The following SPTLC2 variants were observed in gnomAD, a reference collection of about 807,000 sequenced individuals.
SPTLC2 encodes the protein serine palmitoyltransferase 2.
SPTLC2 carries 21 observed loss-of-function variants against 62.0 expected under a neutral mutation model. The observed-to-expected ratio is 0.34, with a 90% CI of 0.24 to 0.49. The LOEUF (loss-of-function observed/expected upper bound fraction) is 0.49. Among genes scored for constraint, SPTLC2 ranks in the 20% least tolerant of loss-of-function variants. The pLI is 0.99. For missense variants in SPTLC2, 511 were observed against 713.0 expected (o/e 0.72, Z 3.23); for synonymous variants, 261 against 261.8 (o/e 1.00, Z 0.03).
intron 9 of SPTLC2, among the ~76,000 whole-genome samples, chr14:77,546,340 G>A (rs1189263105): frequency 1.3e-5 from 2 of 152,168 alleles, no homozygotes; most frequent in Non-Finnish European, 2.9e-5. Context: ...TAATCAAGAA[G>A]CTGCTTTGAT....
At chr14:77,541,996 G>A (rs1219936522) in intron 9 of SPTLC2, among the ~76,000 whole-genome samples, 1 of 151,612 alleles carries the variant, frequency 6.6e-6, no homozygotes, top group East Asian at 1.9e-4. Flanking sequence ...AGCGGAGGTT[G>A]CAGTGAGCCA....
rs1478198521 is a variant in SPTLC2 at position 77,531,443 on chromosome 14, T to TCTTCTTCTTCTTCTTCTTCTC, written c.1304-9863_1304-9862insGAGAAGAAGAAGAAGAAGAAG. ...ACTTTCTTCTTCTTCTTCTTCTTCT[T>TCTTCTTCTTCTTCTTCTTCTC]CTCCTCCTTCTCCTCCTCCTCCTCC... On this transcript the variant is annotated intron_variant, in intron 9 of 11. Coordinates refer to ENST00000216484, the MANE Select transcript of SPTLC2 (RefSeq NM_004863.4). Among the ~76,000 whole-genome samples, 367 of 130,342 alleles carry TCTTCTTCTTCTTCTTCTTCTC rather than the reference T, an allele frequency of 2.8e-3. 9 individuals carry two copies. Among genetic ancestry groups the TCTTCTTCTTCTTCTTCTTCTC allele is most frequent in the Middle Eastern group, 0.013 (3 of 232 alleles). 85.5% of individuals were successfully genotyped at this position (130,342 alleles called of 152,430 possible). A position where few individuals can be genotyped will look rare whatever the true frequency, so the allele number is the denominator to read the frequency against.
intron 2 of SPTLC2, among the ~76,000 whole-genome samples, chr14:77,581,784 A>G (rs1353682256): frequency 6.6e-6 from 1 of 152,174 alleles, no homozygotes; most frequent in Non-Finnish European, 1.5e-5. Context: ...TAACATGTCT[A>G]TCACAATTGG....
intron 4 of SPTLC2, among the ~76,000 whole-genome samples, chr14:77,574,472 C>T (rs7400794): frequency 0.96 from 146,109 of 152,334 alleles, 70,380 homozygotes; most frequent in Middle Eastern, 1. Flanking sequence ...AGTTACCATA[C>T]GACCTAGCAA....
chr14:77,585,065 G>A (rs115215679), intron 2 of SPTLC2, among the ~76,000 whole-genome samples: 7,428 of 152,232 alleles, frequency 0.049, 610 homozygotes, highest in African/African-American at 0.17. Flanking sequence ...GAGTACTCAC[G>A]GCAGGAGCAG....
At chr14:77,597,656 C>A (rs538957403) in intron 1 of SPTLC2, among the ~76,000 whole-genome samples, 2 of 151,528 alleles carry the variant, frequency 1.3e-5, no homozygotes, top group East Asian at 3.9e-4. Flanking sequence ...CACCTCTAAT[C>A]CCAGCTACTT....
chr14:77,579,432 G>A (rs2079735314), intron 2 of SPTLC2, among the ~76,000 whole-genome samples: 1 of 152,128 alleles, frequency 6.6e-6, no homozygotes, highest in African/African-American at 2.4e-5. Flanking sequence ...ACCTGAGAAT[G>A]AGAGGCCACT....
intron 1 of SPTLC2, among the ~76,000 whole-genome samples, chr14:77,609,020 A>G (rs2079920789): frequency 6.6e-6 from 1 of 151,706 alleles, no homozygotes; most frequent in South Asian, 2.1e-4. Flanking sequence ...GAAAGCCCGG[A>G]TTGGCTAGAA....
At chr14:77,576,671 G>A in intron 4 of SPTLC2, 96 bp downstream of exon 4, 2 of 1,526,588 alleles carry the variant, frequency 1.3e-6, no homozygotes, top group South Asian at 1.1e-5. Context: ...ATGACAAAGT[G>A]TAGATATTTA....
intron 1 of SPTLC2, among the ~76,000 whole-genome samples, chr14:77,610,330 C>T (rs1449411272): frequency 5.3e-5 from 8 of 152,120 alleles, no homozygotes; most frequent in South Asian, 2.1e-4. Context: ...TTAGTAGAGA[C>T]GGGGTTTCAC....
chr14:77,524,510 T>C (rs1311382236), intron 9 of SPTLC2, among the ~76,000 whole-genome samples: 1 of 152,086 alleles, frequency 6.6e-6, no homozygotes, highest in African/African-American at 2.4e-5. Flanking sequence ...CCACTACTGC[T>C]GTTTATCCAA....
intron 5 of SPTLC2, among the ~76,000 whole-genome samples, chr14:77,567,965 T>C (rs1417836059): frequency 6.6e-6 from 1 of 152,172 alleles, no homozygotes; most frequent in African/African-American, 2.4e-5. Context: ...TTATTTGCAT[T>C]ATATTTACTG....
intron 5 of SPTLC2, among the ~76,000 whole-genome samples, chr14:77,568,448 T>C (rs1377479887): frequency 1.3e-5 from 2 of 152,214 alleles, no homozygotes; most frequent in African/African-American, 2.4e-5. Flanking sequence ...GGTCAACTGG[T>C]TGACAGTGTT....
intron 2 of SPTLC2, among the ~76,000 whole-genome samples, chr14:77,591,967 G>A (rs563882150): frequency 1.3e-5 from 2 of 151,654 alleles, no homozygotes; most frequent in Admixed American, 6.6e-5. Flanking sequence ...CAGGTGATCC[G>A]CCCGCCTTGG....
Position 77,517,230 on chromosome 14 carries a change from C to T in SPTLC2, c.1569+808G>A, listed in dbSNP as rs184994769. Among the ~76,000 whole-genome samples, 127 of 151,710 alleles carry T rather than the reference C, an allele frequency of 8.4e-4. 1 individual carries two copies. Among genetic ancestry groups the T allele is most frequent in the African/African-American group, 3.0e-3 (123 of 41,326 alleles). On this transcript the variant is annotated intron_variant, in intron 11 of 11. Coordinates refer to ENST00000216484, the MANE Select transcript of SPTLC2 (RefSeq NM_004863.4). ...TGCACTCCAGCCTGGGCAACAAGGGCAAAACTCTCTCTCAAAAAAGAAAAA... is the reference window on the plus strand; with the variant it reads ...TGCACTCCAGCCTGGGCAACAAGGGTAAAACTCTCTCTCAAAAAAGAAAAA...
chr14:77,510,213 CT>C lies in SPTLC2; in HGVS notation c.*2070del. 1 of 341,606 alleles carries C rather than the reference CT, an allele frequency of 2.9e-6. No individual in the cohort carries two copies. The allele number at this position is 341,606 out of a possible 1,614,324, so 21.2% of individuals were successfully genotyped here. A position where few individuals can be genotyped will look rare whatever the true frequency, so the allele number is the denominator to read the frequency against. ...ATCTCTCCTTGGTTCTTTCATTCATCTTTTTCTGTTCTTTAAAAAAGTAAAA... is the reference window on the plus strand; with the variant it reads ...ATCTCTCCTTGGTTCTTTCATTCATCTTTTCTGTTCTTTAAAAAAGTAAAA... On this transcript the variant is annotated 3_prime_UTR_variant, in exon 12 of 12. Coordinates refer to ENST00000216484, the MANE Select transcript of SPTLC2 (RefSeq NM_004863.4).
At chr14:77,577,064 A>G (rs1459400090) in intron 3 of SPTLC2, 149 bp from the exon 4 acceptor site, 41 of 827,692 alleles carry the variant, frequency 5.0e-5, no homozygotes, top group Non-Finnish European at 6.9e-5. Context: ...TGGAAATAGA[A>G]GTTAAAATAA....
intron 4 of SPTLC2, among the ~76,000 whole-genome samples, chr14:77,576,496 A>G (rs1197215744): frequency 6.6e-6 from 1 of 152,206 alleles, no homozygotes; most frequent in Non-Finnish European, 1.5e-5. Flanking sequence ...AATGAAATCA[A>G]CATTAAAGTT....
At chr14:77,598,956 A>G (rs2079863091) in intron 1 of SPTLC2, among the ~76,000 whole-genome samples, 2 of 152,112 alleles carry the variant, frequency 1.3e-5, no homozygotes, top group Admixed American at 6.6e-5. Flanking sequence ...GCATTATATA[A>G]AAGTAAAAAG....
Sources: allele counts gnomAD v4.1 joint callset (sites outside exome capture counted in the v4.1 genomes callset), GRCh38; gene constraint gnomAD v4.1.1; transcripts MANE v1.5; gene names NCBI Gene and HGNC (gene_info 2026-07-23, HGNC 2026-07-21).